The following PHF23 variants were observed in gnomAD, a reference collection of about 807,000 sequenced individuals.
PHF23 encodes the protein PDH-containing protein JUNE-1.
Under a neutral mutation model 36.0 loss-of-function variants are expected in PHF23, and 3 were observed. The ratio of observed to expected loss-of-function variants is 0.08; its 90% CI spans 0.04 to 0.22. The LOEUF (loss-of-function observed/expected upper bound fraction) is 0.22. Among genes scored for constraint, PHF23 ranks in the 10% least tolerant of loss-of-function variants. PHF23 has a pLI of 1.00. For missense variants in PHF23, 475 were observed against 513.6 expected (o/e 0.92, Z 0.73); for synonymous variants, 242 against 192.5 (o/e 1.26, Z -2.13).
rs1453718306 is a variant in PHF23, at chr17:7,236,425, G to T, written c.502C>A (p.Pro168Thr). 4 of 1,613,582 alleles carry T rather than the reference G, an allele frequency of 2.5e-6. No individual in the cohort carries two copies. The highest frequency in any genetic ancestry group is 3.4e-6 in the Non-Finnish European group (4 of 1,179,800). Reference sequence around the variant, plus strand: ...TGGGAGAGGTCCCCCTGGGAAAGGGGCACGGGGGTAAGAGCAGCAGGGGGC... The same window carrying T: ...TGGGAGAGGTCCCCCTGGGAAAGGGTCACGGGGGTAAGAGCAGCAGGGGGC... Reference protein sequence around the residue: ...SRPPAALTPVPLSQGDLSHPP... With the variant: ...SRPPAALTPVTLSQGDLSHPP... The change falls in exon 4 of 5, where the codon CCC (proline) becomes ACC (threonine). Residue 168 changes from proline to threonine, a missense_variant. Pro to Thr is a conservative substitution (Grantham distance 38, BLOSUM62 -1). This residue lies in a region of PHF23 where 350 missense variants were observed against 319.8 expected (regional missense o/e 1.09). Transcript: ENST00000320316. The surrounding 1 kb of genome is among the most constrained non-coding windows in gnomAD (Gnocchi z 5.1).
Position 7,235,341 on chromosome 17 carries a change from C to A in PHF23, c.*285G>T. The A allele has an allele frequency of 2.1e-6, 1 of 471,086 alleles. No homozygotes were observed. The highest frequency in any genetic ancestry group is 3.9e-6 in the Non-Finnish European group (1 of 256,346). The allele number at this position is 471,086 out of a possible 1,614,324, so 29.2% of individuals were successfully genotyped here. ...TGTCCCATTCCATCCCAATTCCAAT[C>A]CTGACCCAGAAAGTGATGGTGGCAG... On this transcript the variant is annotated 3_prime_UTR_variant, in exon 5 of 5. Transcript: ENST00000320316.
In PHF23 at chr17:7,235,446, A is replaced by T. The variant is rs2071637077; in HGVS notation, c.*180T>A. 3 of 647,248 alleles carry T rather than the reference A, an allele frequency of 4.6e-6. No homozygotes were observed. The Admixed American group carries it at 8.6e-5, about 19-fold the overall frequency. 40.1% of individuals were successfully genotyped at this position (647,248 alleles called of 1,614,324 possible). ...GTAATGGATTCAATTTCAAGTCCAC[A>T]GAGTGGGGAGGAAGGATAGGGTGGG... On this transcript the variant is annotated 3_prime_UTR_variant, in exon 5 of 5. Transcript: ENST00000320316.
In PHF23 at chr17:7,235,354, G is replaced by C; in HGVS notation, c.*272C>G. On this transcript the variant is annotated 3_prime_UTR_variant, in exon 5 of 5. Transcript: ENST00000320316. Reference sequence around the variant, plus strand: ...CCCAATTCCAATCCTGACCCAGAAAGTGATGGTGGCAGGTCCAAGAGACAG... The same window carrying C: ...CCCAATTCCAATCCTGACCCAGAAACTGATGGTGGCAGGTCCAAGAGACAG... 2.0e-6 allele frequency: 1 copy of C among 490,420 alleles called. No homozygotes were observed. The highest frequency in any genetic ancestry group is 3.7e-6 in the Non-Finnish European group (1 of 268,550). 30.4% of individuals were successfully genotyped at this position (490,420 alleles called of 1,614,324 possible). A position where few individuals can be genotyped will look rare whatever the true frequency, so the allele number is the denominator to read the frequency against.
At position 7,235,663 on chromosome 17, in the gene PHF23, C is replaced by T; in HGVS notation, c.1175G>A (p.Arg392Gln). Residue 392 changes from arginine to glutamine, a missense_variant, in exon 5 of 5, where the codon CGG becomes CAG. Transcript: ENST00000320316. Reference protein sequence around the residue: ...QKCKELRPEARRLGGPPKSGE... With the variant: ...QKCKELRPEAQRLGGPPKSGE... ...AGATTTGGGAGGCCCCCCTAACCGC[C>T]GGGCCTCTGGCCTCAGTTCCTTGCA... 7 of 1,614,090 alleles carry T rather than the reference C, an allele frequency of 4.3e-6. No individual in the cohort carries two copies. The highest frequency in any genetic ancestry group is 4.5e-5 in the East Asian group (2 of 44,890).
chr17:7,238,678 G>C, intron 1 of PHF23: 5 of 499,602 alleles, frequency 1.0e-5, no homozygotes, highest in Non-Finnish European at 1.2e-5. Context: ...CAACTACCCA[G>C]CTCGCCTCGC....
rs976675783 is a variant in PHF23, at chr17:7,236,972, G to A, written c.160-205C>T. 2.0e-5 allele frequency among the ~76,000 whole-genome samples: 3 copies of A among 152,094 alleles called. No individual in the cohort carries two copies. Among genetic ancestry groups the A allele is most frequent in the Non-Finnish European group, 4.4e-5 (3 of 68,022 alleles). On this transcript the variant is annotated intron_variant, in intron 3 of 4. Transcript: ENST00000320316. The surrounding 1 kb of genome is among the most constrained non-coding windows in gnomAD (Gnocchi z 5.1). ...CAGTCCGTGTTACCTCTACCCTCAAGTCTGACACCTCACCGCTGCCCCTGC... is the reference window on the plus strand; with the variant it reads ...CAGTCCGTGTTACCTCTACCCTCAAATCTGACACCTCACCGCTGCCCCTGC...
In PHF23 at chr17:7,235,343, T is replaced by C; in HGVS notation, c.*283A>G. 1 of 473,938 alleles carries C rather than the reference T, an allele frequency of 2.1e-6. No individual in the cohort carries two copies. Among genetic ancestry groups the C allele is most frequent in the Non-Finnish European group, 3.9e-6 (1 of 258,078 alleles). 29.4% of individuals were successfully genotyped at this position (473,938 alleles called of 1,614,324 possible). On this transcript the variant is annotated 3_prime_UTR_variant, in exon 5 of 5. Coordinates refer to ENST00000320316, the MANE Select transcript of PHF23 (RefSeq NM_024297.3). ...TCCCATTCCATCCCAATTCCAATCC[T>C]GACCCAGAAAGTGATGGTGGCAGGT... is the stretch of plus-strand genomic sequence containing the variant.
chr17:7,238,974 G>A (rs1446053986), intron 1 of PHF23: 4 of 1,470,894 alleles, frequency 2.7e-6, no homozygotes, highest in Non-Finnish European at 3.6e-6. Flanking sequence ...ATCTGCCGGT[G>A]GCCCTTTCGG....
intron 1 of PHF23, chr17:7,237,954 C>T (rs938085833): frequency 1.9e-5 from 8 of 415,112 alleles, no homozygotes; most frequent in African/African-American, 1.5e-4. Context: ...TACTCGGATC[C>T]CTCAGCGCCC....
intron 1 of PHF23, chr17:7,237,955 C>T (rs1229441691): frequency 2.4e-6 from 1 of 415,162 alleles, no homozygotes; most frequent in African/African-American, 2.1e-5. Context: ...ACTCGGATCC[C>T]TCAGCGCCCC....
At chr17:7,235,865 T>C (rs1428873339) in intron 4 of PHF23, 25 bp from the exon 5 acceptor site, 1 of 1,614,040 alleles carries the variant, frequency 6.2e-7, no homozygotes. Flanking sequence ...GTTTGTTTGG[T>C]ATTCTGCCTG....
At position 7,235,501 on chromosome 17, in the gene PHF23, T is replaced by G. The variant is rs997804475; in HGVS notation, c.*125A>C. The G allele has an allele frequency of 2.1e-6, 2 of 953,886 alleles. No individual in the cohort carries two copies. The highest frequency in any genetic ancestry group is 4.2e-5 in the Admixed American group (2 of 47,572). The allele number at this position is 953,886 out of a possible 1,614,324, so 59.1% of individuals were successfully genotyped here. ...TGAGACACTCATTTTCAAACAAGTC[T>G]CCCTTGAGAATTCCTGCCTTGAAGT... On this transcript the variant is annotated 3_prime_UTR_variant, in exon 5 of 5. Coordinates refer to ENST00000320316, the MANE Select transcript of PHF23 (RefSeq NM_024297.3).
rs878993420 is a variant in PHF23 at position 7,237,318 on chromosome 17, GTT to G, written c.159+65_159+66del. ...TCCTTCTATAAAGCAATACAGTTCT[GTT>G]TGAACAACAGTCACTCTATAGTCCC... On this transcript the variant is annotated intron_variant, in intron 3 of 4. Coordinates refer to ENST00000320316, the MANE Select transcript of PHF23 (RefSeq NM_024297.3). The G allele has an allele frequency of 3.2e-5, 43 of 1,356,328 alleles. No homozygotes were observed. In the South Asian group the frequency reaches 5.1e-4, roughly 16 times the overall value. 84.0% of individuals were successfully genotyped at this position (1,356,328 alleles called of 1,614,324 possible). A position where few individuals can be genotyped will look rare whatever the true frequency, so the allele number is the denominator to read the frequency against.
Position 7,236,020 on chromosome 17 carries a change from C to A in PHF23, c.907G>T (p.Val303Leu). The change falls in exon 4 of 5, where the codon GTG becomes TTG. Residue 303 changes from valine to leucine, a missense_variant. Transcript: ENST00000320316. This position sits in a 1 kb window ranked among gnomAD's most constrained non-coding sequence, Gnocchi z 5.1. ...TCTTGGCTTGTTTCAGTGCTGCCCA[C>A]CTCCTTGCTTTCACTGTCAGCAGGA... ...VPPADSESKE[V>L]GSTETSQDGD... is the part of the protein sequence containing the mutation. 1 of 1,614,026 alleles carries A rather than the reference C, an allele frequency of 6.2e-7. No homozygotes were observed. The highest frequency in any genetic ancestry group is 8.5e-7 in the Non-Finnish European group (1 of 1,179,934).
chr17:7,240,293 C>G (rs1156551508), upstream of PHF23: 1 of 152,800 alleles, frequency 6.5e-6, no homozygotes, highest in Non-Finnish European at 1.5e-5. Context: ...CAGAATAAAC[C>G]AAAATATACT....
At chr17:7,237,505 G>A (rs758905098) in intron 2 of PHF23, 28 bp from the exon 3 acceptor site, 2 of 1,608,820 alleles carry the variant, frequency 1.2e-6, no homozygotes, top group South Asian at 2.2e-5. Flanking sequence ...TGGATCACAT[G>A]CAAAGCCACA....
chr17:7,236,722 C>G lies in PHF23; in HGVS notation c.205G>C (p.Glu69Gln). Residue 69 changes from glutamate (E) to glutamine (Q), a missense_variant, in exon 4 of 5, where the codon GAG becomes CAG. Glu to Gln is a conservative substitution (Grantham distance 29). This residue lies in a region of PHF23 where 350 missense variants were observed against 319.8 expected (regional missense o/e 1.09). Transcript: ENST00000320316. The surrounding 1 kb of genome is among the most constrained non-coding windows in gnomAD (Gnocchi z 5.1). ...ASGSSSPLRG[E>Q]SAADSDGWDS... ...CAGCCATCACTGTCGGCCGCACTCT[C>G]TCCTCGCAATGGAGAGCTGGAGCCA... is the stretch of plus-strand genomic sequence containing the variant. 1 of 1,613,812 alleles carries G rather than the reference C, an allele frequency of 6.2e-7. No individual in the cohort carries two copies. Among genetic ancestry groups the G allele is most frequent in the Non-Finnish European group, 8.5e-7 (1 of 1,179,966 alleles).
Position 7,235,662 on chromosome 17 carries a change from C to T in PHF23, c.1176G>A (p.Arg392=). The T allele has an allele frequency of 6.2e-7, 1 of 1,614,086 alleles. No individual in the cohort carries two copies. Among genetic ancestry groups the T allele is most frequent in the Non-Finnish European group, 8.5e-7 (1 of 1,180,032 alleles). Residue 392 remains arginine, a synonymous_variant, in exon 5 of 5, where the codon CGG becomes CGA. Coordinates refer to ENST00000320316, the MANE Select transcript of PHF23 (RefSeq NM_024297.3). The part of the protein sequence containing the change: ...QKCKELRPEA[R]RLGGPPKSGE... ...CAGATTTGGGAGGCCCCCCTAACCG[C>T]CGGGCCTCTGGCCTCAGTTCCTTGC...
rs928508552 is a variant in PHF23 at position 7,238,886 on chromosome 17, T to A, written c.34+360A>T. On this transcript the variant is annotated intron_variant, in intron 1 of 4. Coordinates refer to ENST00000320316, the MANE Select transcript of PHF23 (RefSeq NM_024297.3). ...CTCGGCGAACTACCGGGCCCCTCACTCAGCCTCTTCTACGTCCTCCCTCCT... is the reference window on the plus strand; with the variant it reads ...CTCGGCGAACTACCGGGCCCCTCACACAGCCTCTTCTACGTCCTCCCTCCT... The A allele has an allele frequency of 1.6e-5, 25 of 1,530,166 alleles. No individual in the cohort carries two copies. In the African/African-American group the frequency reaches 3.3e-4, roughly 20 times the overall value. The allele number at this position is 1,530,166 out of a possible 1,614,324, so 94.8% of individuals were successfully genotyped here.
Sources: gnomAD v4.1 joint callset for allele counts (sites outside exome capture counted in the v4.1 genomes callset) on GRCh38, gnomAD v4.1.1 for gene constraint, gnomAD v4.1.1 regional missense constraint, Gnocchi (gnomAD v3.1) non-coding constraint, MANE v1.5 for transcripts, NCBI Gene and HGNC (gene_info 2026-07-23, HGNC 2026-07-21) for gene names.